The following MSI2 variants were observed in gnomAD, a reference collection of about 807,000 sequenced individuals.
The protein encoded by MSI2 is RNA-binding protein Musashi homolog 2.
A neutral mutation model predicts 45.6 loss-of-function variants in MSI2; 17 were observed. The ratio of observed to expected loss-of-function variants is 0.37; its 90% CI spans 0.26 to 0.56. MSI2 has a LOEUF of 0.56. Ranked by LOEUF, MSI2 falls within the 20% of genes least tolerant of loss-of-function variation. The pLI is 0.77. For missense variants in MSI2, 293 were observed against 444.2 expected (o/e 0.66, Z 3.06); for synonymous variants, 156 against 158.2 (o/e 0.99, Z 0.11).
chr17:57,351,349 G>A (rs1201259970), intron 5 of MSI2, among the ~76,000 whole-genome samples: 1 of 152,044 alleles, frequency 6.6e-6, no homozygotes, highest in African/African-American at 2.4e-5. Context: ...TGGGGTGCTG[G>A]GACTAGGGCT....
intron 7 of MSI2, chr17:57,566,049 G>T (rs970323341): frequency 6.6e-6 from 1 of 152,200 alleles, no homozygotes; most frequent in Admixed American, 6.5e-5. Flanking sequence ...GAAATCGGGG[G>T]CTGTGTGAAG....
rs1051798040 is a variant in MSI2 at position 57,407,662 on chromosome 17, A to G, written c.405+6191A>G. Among the ~76,000 whole-genome samples the G allele has an allele frequency of 1.3e-5, 2 of 152,000 alleles. No individual in the cohort carries two copies. Among genetic ancestry groups the G allele is most frequent in the Admixed American group, 6.6e-5 (1 of 15,258 alleles). On this transcript the variant is annotated intron_variant, in intron 6 of 13. Coordinates refer to ENST00000284073, the MANE Select transcript of MSI2 (RefSeq NM_138962.4). The surrounding 1 kb of genome is among the most constrained non-coding windows in gnomAD (Gnocchi z 4.1). ...CGGGCCTCACCCTGTCCTCTGCTCCACCTTTTTCTGGAGAGCCTGGGTGTT... is the reference window on the plus strand; with the variant it reads ...CGGGCCTCACCCTGTCCTCTGCTCCGCCTTTTTCTGGAGAGCCTGGGTGTT...
chr17:57,537,282 G>A (rs574962304), intron 7 of MSI2, among the ~76,000 whole-genome samples: 4 of 152,152 alleles, frequency 2.6e-5, no homozygotes, highest in Admixed American at 6.5e-5. Context: ...CGTGCCCACC[G>A]TGAGGGGCAC....
chr17:57,434,224 C>T (rs1446927862), intron 6 of MSI2, among the ~76,000 whole-genome samples: 5 of 152,154 alleles, frequency 3.3e-5, no homozygotes, highest in Non-Finnish European at 7.3e-5. Flanking sequence ...CTCAGCCTCA[C>T]AAGTAGCTGG....
intron 6 of MSI2, among the ~76,000 whole-genome samples, chr17:57,509,009 C>T (rs1054338640): frequency 4.6e-5 from 7 of 152,174 alleles, no homozygotes; most frequent in African/African-American, 1.7e-4. Context: ...AGATCAGCAT[C>T]GAGTCATTGC....
At chr17:57,585,907 C>T (rs1342228518) in intron 7 of MSI2, among the ~76,000 whole-genome samples, 1 of 152,266 alleles carries the variant, frequency 6.6e-6, no homozygotes, top group Admixed American at 6.5e-5. Flanking sequence ...ACCTCAGCCT[C>T]CTCTGCCCCG....
chr17:57,528,191 C>G (rs2086745525), intron 6 of MSI2, among the ~76,000 whole-genome samples: 1 of 152,078 alleles, frequency 6.6e-6, no homozygotes, highest in South Asian at 2.1e-4. Context: ...CTGGTCAGAC[C>G]AGGTGCCCTC....
intron 11 of MSI2, among the ~76,000 whole-genome samples, chr17:57,669,064 C>T (rs1324478784): frequency 6.6e-6 from 1 of 152,224 alleles, no homozygotes; most frequent in Non-Finnish European, 1.5e-5. Flanking sequence ...GAAGTATAAT[C>T]CTACCTTGCT....
intron 5 of MSI2, among the ~76,000 whole-genome samples, chr17:57,378,654 C>T (rs1294439821): frequency 1.3e-5 from 2 of 152,212 alleles, no homozygotes; most frequent in African/African-American, 4.8e-5. Context: ...GCCTCAGCCT[C>T]CTAAAGTGCT....
intron 5 of MSI2, among the ~76,000 whole-genome samples, chr17:57,326,576 TGTGAGAGTAAATACCCA>T (rs2143701469): frequency 6.6e-6 from 1 of 152,342 alleles, no homozygotes; most frequent in South Asian, 2.1e-4. Context: ...TAACTGGCAC[TGTGAGAGTAAATACCCA>T]GTGAGACTGT....
At chr17:57,615,905 G>C in intron 8 of MSI2, 65 bp from the exon 9 acceptor site, 1 of 1,268,418 alleles carries the variant, frequency 7.9e-7, no homozygotes, top group Non-Finnish European at 1.2e-6. Flanking sequence ...AACCAGACAG[G>C]TTCTGCATTT....
chr17:57,429,315 C>G (rs1444425057), intron 6 of MSI2, among the ~76,000 whole-genome samples: 1 of 152,156 alleles, frequency 6.6e-6, no homozygotes, highest in Non-Finnish European at 1.5e-5. Flanking sequence ...TTGCGTGTGT[C>G]TAAAAAGATT....
chr17:57,463,276 G>T (rs2085266190), intron 6 of MSI2, among the ~76,000 whole-genome samples: 1 of 152,116 alleles, frequency 6.6e-6, no homozygotes. Flanking sequence ...TGGGGGTGGT[G>T]GGCAGGGTGA....
intron 7 of MSI2, among the ~76,000 whole-genome samples, chr17:57,542,426 T>C (rs544597306): frequency 2.6e-5 from 4 of 152,294 alleles, no homozygotes; most frequent in African/African-American, 9.6e-5. Flanking sequence ...CTGAGATAAT[T>C]TATCCCACAG....
chr17:57,311,400 G>A lies in MSI2; in HGVS notation c.312+49208G>A, dbSNP rs142959315. 3.9e-3 allele frequency among the ~76,000 whole-genome samples: 593 copies of A among 152,312 alleles called. 1 individual carries two copies. Among genetic ancestry groups the A allele is most frequent in the Non-Finnish European group, 6.9e-3 (472 of 68,022 alleles). On this transcript the variant is annotated intron_variant, in intron 5 of 13. Transcript: ENST00000284073. ...TTAAAGATAAAAGAGAGAAACCACAGCAGTTCTACATGCGGTAAAACACTC... is the reference window on the plus strand; with the variant it reads ...TTAAAGATAAAAGAGAGAAACCACAACAGTTCTACATGCGGTAAAACACTC...
intron 6 of MSI2, among the ~76,000 whole-genome samples, chr17:57,504,291 C>T (rs548292535): frequency 6.6e-6 from 1 of 152,300 alleles, no homozygotes; most frequent in South Asian, 2.1e-4. Flanking sequence ...CAAGGCAGCC[C>T]CCCGGGATTC....
chr17:57,530,070 A>G (rs1598371260), intron 7 of MSI2, among the ~76,000 whole-genome samples: 1 of 152,196 alleles, frequency 6.6e-6, no homozygotes, highest in Non-Finnish European at 1.5e-5. Flanking sequence ...CAGTGACTCA[A>G]TTGAGTTATC....
At chr17:57,618,455 A>G (rs2144571514) in intron 9 of MSI2, 1 of 152,304 alleles carries the variant, frequency 6.6e-6, no homozygotes, top group Non-Finnish European at 1.5e-5. Context: ...CATGCCCATA[A>G]TCCTAGCACT....
At chr17:57,649,753 G>C (rs1232270242) in intron 10 of MSI2, among the ~76,000 whole-genome samples, 1 of 152,200 alleles carries the variant, frequency 6.6e-6, no homozygotes, top group Non-Finnish European at 1.5e-5. Flanking sequence ...GAACAGGAGG[G>C]GGATGGCGAG....
Sources: gnomAD v4.1 joint callset for allele counts (sites outside exome capture counted in the v4.1 genomes callset) on GRCh38, gnomAD v4.1.1 for gene constraint, Gnocchi (gnomAD v3.1) non-coding constraint, MANE v1.5 for transcripts, NCBI Gene and HGNC (gene_info 2026-07-23, HGNC 2026-07-21) for gene names.